The following CFAP61 variants were observed in gnomAD, a reference collection of about 807,000 sequenced individuals.
CFAP61 encodes cilia and flagella associated protein 61.
CFAP61 carries 107 observed loss-of-function variants against 135.6 expected under a neutral mutation model. The ratio of observed to expected loss-of-function variants is 0.79; its 90% CI spans 0.67 to 0.93. The LOEUF is 0.93. Among genes scored for constraint, CFAP61 ranks in the 40% least tolerant of loss-of-function variants. The pLI, the probability that CFAP61 is intolerant of heterozygous loss-of-function variation, is 0.00. For missense variants in CFAP61, 1,507 were observed against 1,556.2 expected (o/e 0.97, Z 0.53); for synonymous variants, 575 against 578.5 (o/e 0.99, Z 0.09).
At chr20:20,291,532 TG>T in intron 24 of CFAP61, among the ~76,000 whole-genome samples, 1 of 152,356 alleles carries the variant, frequency 6.6e-6, no homozygotes. Context: ...CTCTATTGTC[TG>T]GTTGTATCGG....
intron 20 of CFAP61, among the ~76,000 whole-genome samples, chr20:20,261,594 A>G (rs1271760658): frequency 2.0e-5 from 3 of 152,136 alleles, no homozygotes; most frequent in African/African-American, 7.2e-5. Flanking sequence ...CATTTGGGGA[A>G]CCTCAGGTCA....
At chr20:20,092,192 G>C (rs1022658513) in intron 7 of CFAP61, among the ~76,000 whole-genome samples, 1 of 152,084 alleles carries the variant, frequency 6.6e-6, no homozygotes, top group Non-Finnish European at 1.5e-5. Context: ...CAGTTATTTT[G>C]TAGAATGTCT....
intron 25 of CFAP61, 104 bp from the exon 26 acceptor site, chr20:20,341,727 A>G (rs537695017): frequency 2.9e-5 from 21 of 717,288 alleles, no homozygotes; most frequent in South Asian, 2.1e-4. Context: ...AACGATTGCA[A>G]TGAGGCCAGA....
chr20:20,186,920 A>G (rs2055544608), intron 13 of CFAP61, among the ~76,000 whole-genome samples: 1 of 152,200 alleles, frequency 6.6e-6, no homozygotes, highest in Admixed American at 6.5e-5. Flanking sequence ...AGGACCCATT[A>G]CAAAATGAAA....
At chr20:20,239,871 A>G (rs2049887817) in intron 18 of CFAP61, among the ~76,000 whole-genome samples, 1 of 152,190 alleles carries the variant, frequency 6.6e-6, no homozygotes, top group South Asian at 2.1e-4. Flanking sequence ...CAAGCCAGAG[A>G]GACAAACCCT....
At chr20:20,244,048 T>C (rs1013560557) in intron 18 of CFAP61, among the ~76,000 whole-genome samples, 2 of 152,226 alleles carry the variant, frequency 1.3e-5, no homozygotes, top group African/African-American at 2.4e-5. Flanking sequence ...AGAGGTGGGT[T>C]CCTATGGTCT....
In CFAP61 at chr20:20,102,853, A is replaced by G. The variant is rs1024646402; in HGVS notation, c.859+4039A>G. Reference sequence around the variant, plus strand: ...TGTGAAAACTTGCAATTTCACACCAACCTCAACCCTTTCAAGCAGAATAAT... The same window carrying G: ...TGTGAAAACTTGCAATTTCACACCAGCCTCAACCCTTTCAAGCAGAATAAT... On this transcript the variant is annotated intron_variant, in intron 8 of 26. Transcript: ENST00000245957. Among the ~76,000 whole-genome samples the G allele has an allele frequency of 2.0e-5, 3 of 152,120 alleles. No homozygotes were observed. The East Asian group carries it at 5.8e-4, about 29-fold the overall frequency.
chr20:20,110,927 T>G (rs2048762306), intron 8 of CFAP61, among the ~76,000 whole-genome samples: 1 of 152,102 alleles, frequency 6.6e-6, no homozygotes, highest in Admixed American at 6.5e-5. Flanking sequence ...GGCAGTCAGA[T>G]TTTTCAGTGA....
At position 20,104,036 on chromosome 20, in the gene CFAP61, C is replaced by T. The variant is rs1030395696; in HGVS notation, c.859+5222C>T. On this transcript the variant is annotated intron_variant, in intron 8 of 26. Transcript: ENST00000245957. ...TAAATCTCATTATATACCCAGGGCC[C>T]ACCTTACAAAGTCTCTGCAGAACTT... is the stretch of plus-strand genomic sequence containing the variant. Among the ~76,000 whole-genome samples, 5 of 152,152 alleles carry T rather than the reference C, an allele frequency of 3.3e-5. 1 individual carries two copies. Among genetic ancestry groups the T allele is most frequent in the Non-Finnish European group, 5.9e-5 (4 of 68,036 alleles).
At chr20:20,087,903 A>T (rs1174559855) in intron 6 of CFAP61, among the ~76,000 whole-genome samples, 1 of 151,618 alleles carries the variant, frequency 6.6e-6, no homozygotes, top group Non-Finnish European at 1.5e-5. Flanking sequence ...GCACCATAAG[A>T]CTTAATGCAT....
intron 7 of CFAP61, among the ~76,000 whole-genome samples, chr20:20,093,715 G>A (rs1004201563): frequency 1.3e-5 from 2 of 152,158 alleles, no homozygotes; most frequent in African/African-American, 2.4e-5. Flanking sequence ...GTGAGCCACT[G>A]CACCAGGCAT....
At position 20,288,604 on chromosome 20, in the gene CFAP61, C is replaced by T. The variant is rs778357925; in HGVS notation, c.2797-5C>T. 12 of 1,606,982 alleles carry T rather than the reference C, an allele frequency of 7.5e-6. No homozygotes were observed. Among genetic ancestry groups the T allele is most frequent in the South Asian group, 4.4e-5 (4 of 90,806 alleles). On this transcript the variant is annotated splice_region_variant and splice_polypyrimidine_tract_variant and intron_variant, in intron 22 of 26. Transcript: ENST00000245957. Reference sequence around the variant, plus strand: ...TGAATATTGCTGTAATTGTTCACTTCGTAGATGTTCTTCAGCTTCTGTGAG... The same window carrying T: ...TGAATATTGCTGTAATTGTTCACTTTGTAGATGTTCTTCAGCTTCTGTGAG...
chr20:20,163,558 T>C (rs2053573347), intron 10 of CFAP61, among the ~76,000 whole-genome samples: 1 of 152,130 alleles, frequency 6.6e-6, no homozygotes, highest in South Asian at 2.1e-4. Context: ...CTATTTGTCT[T>C]GTGTGAGACC....
intron 25 of CFAP61, among the ~76,000 whole-genome samples, chr20:20,302,761 G>A (rs556811776): frequency 2.6e-5 from 4 of 152,290 alleles, no homozygotes; most frequent in African/African-American, 9.6e-5. Flanking sequence ...GTGTGTAATA[G>A]TTGCCATATG....
At chr20:20,309,893 C>T (rs1221499643) in intron 25 of CFAP61, among the ~76,000 whole-genome samples, 2 of 152,182 alleles carry the variant, frequency 1.3e-5, no homozygotes, top group African/African-American at 4.8e-5. Flanking sequence ...TGGGTGCCCT[C>T]TTGGGTCAGA....
chr20:20,163,976 A>G (rs2053614445), intron 10 of CFAP61, 74 bp from the exon 11 acceptor site: 9 of 1,261,202 alleles, frequency 7.1e-6, no homozygotes, highest in South Asian at 1.5e-5. Context: ...TGTAGAGATA[A>G]TGCAGCCACC....
chr20:20,268,939 A>T (rs941353993), intron 21 of CFAP61, among the ~76,000 whole-genome samples: 5 of 152,050 alleles, frequency 3.3e-5, no homozygotes, highest in Non-Finnish European at 5.9e-5. Flanking sequence ...TAGGAAAAGT[A>T]TAACATTAAA....
rs564619893 is a variant in CFAP61 at position 20,261,115 on chromosome 20, C to G, written c.2329-1841C>G. ...TTCCCTTTTGCTAAATACAATTTCA[C>G]TGCAGCCTCTTAATGGAGAGAGAAT... is the stretch of plus-strand genomic sequence containing the variant. On this transcript the variant is annotated intron_variant, in intron 20 of 26. Transcript: ENST00000245957. Among the ~76,000 whole-genome samples the G allele has an allele frequency of 7.2e-5, 11 of 152,318 alleles. No homozygotes were observed. In the South Asian group the frequency reaches 2.3e-3, roughly 32 times the overall value.
rs1200315317 is a variant in CFAP61 at position 20,322,921 on chromosome 20, AT to A, written c.3423-18907del. Reference sequence around the variant, plus strand: ...GTGACTTTCTATACTTAAGTAGCTTATTTATTGAATTAGACTGTGAGTGGTT... The same window carrying A: ...GTGACTTTCTATACTTAAGTAGCTTATTATTGAATTAGACTGTGAGTGGTT... On this transcript the variant is annotated intron_variant, in intron 25 of 26. Transcript: ENST00000245957. 3.0e-6 allele frequency: 3 copies of A among 985,346 alleles called. No individual in the cohort carries two copies. The African/African-American group carries it at 5.2e-5, about 17-fold the overall frequency. The allele number at this position is 985,346 out of a possible 1,614,324, so 61.0% of individuals were successfully genotyped here.
Sources: gnomAD v4.1 joint callset for allele counts (sites outside exome capture counted in the v4.1 genomes callset) on GRCh38, gnomAD v4.1.1 for gene constraint, MANE v1.5 for transcripts, NCBI Gene and HGNC (gene_info 2026-07-23, HGNC 2026-07-21) for gene names.